The following BACH2 variants were observed in gnomAD, a reference collection of about 807,000 sequenced individuals.
BACH2 encodes the protein BACH transcriptional regulator 2.
In BACH2, 5 loss-of-function variants were observed where a neutral mutation model predicts 61.8. The ratio of observed to expected loss-of-function variants is 0.08; its 90% CI spans 0.04 to 0.17. BACH2 has a LOEUF of 0.17. Among genes scored for constraint, BACH2 ranks in the 10% least tolerant of loss-of-function variants. The probability of loss-of-function intolerance (pLI) is 1.00; values close to 1 mark genes in which losing one functional copy is unlikely to be tolerated. For missense variants in BACH2, 824 were observed against 1,091.1 expected, an observed-to-expected ratio of 0.76 and a Z score of 3.45; for synonymous variants, 446 against 440.1, an observed-to-expected ratio of 1.01 and a Z score of -0.17.
intron 6 of BACH2, among the ~76,000 whole-genome samples, chr6:89,967,901 T>C (rs1179979116): frequency 2.0e-5 from 3 of 152,166 alleles, no homozygotes; most frequent in African/African-American, 7.2e-5. Flanking sequence ...GCTTCTGACA[T>C]GGACTATGTT....
At chr6:90,167,760 A>G (rs1013657093) in intron 4 of BACH2, among the ~76,000 whole-genome samples, 12 of 152,198 alleles carry the variant, frequency 7.9e-5, no homozygotes, top group African/African-American at 2.7e-4. Flanking sequence ...ACTTTATTCA[A>G]TGATTGAGAA....
At position 90,196,881 on chromosome 6, in the gene BACH2, G is replaced by A. The variant is rs1264082477; in HGVS notation, c.-162+9688C>T. 2.6e-5 allele frequency among the ~76,000 whole-genome samples: 4 copies of A among 151,856 alleles called. No individual in the cohort carries two copies. In the East Asian group the frequency reaches 5.8e-4, roughly 22 times the overall value. ...GAAAAGAAAACCAAATAAACCAGAAGAACATATAAACTATGATTAGTCAAA... is the reference window on the plus strand; with the variant it reads ...GAAAAGAAAACCAAATAAACCAGAAAAACATATAAACTATGATTAGTCAAA... On this transcript the variant is annotated intron_variant, in intron 4 of 8. Transcript: ENST00000257749.
At chr6:90,263,890 G>A (rs1771242766) in intron 2 of BACH2, among the ~76,000 whole-genome samples, 1 of 152,162 alleles carries the variant, frequency 6.6e-6, no homozygotes, top group Non-Finnish European at 1.5e-5. Context: ...CTAACCACAA[G>A]TCTAAGTAGG....
chr6:89,982,757 G>A (rs894958489), intron 6 of BACH2, among the ~76,000 whole-genome samples: 1 of 152,046 alleles, frequency 6.6e-6, no homozygotes, highest in African/African-American at 2.4e-5. Context: ...TCTAGGCAAC[G>A]GTGTTTTGGA....
chr6:90,240,732 G>C (rs191195490), intron 3 of BACH2, among the ~76,000 whole-genome samples: 1 of 152,216 alleles, frequency 6.6e-6, no homozygotes, highest in East Asian at 1.9e-4. Flanking sequence ...TTCTTAGAGT[G>C]AACCTTAGCT....
rs1218931524 is a variant in BACH2, at chr6:89,999,779, GC to G, written c.243+8822del. Among the ~76,000 whole-genome samples, 4 of 152,206 alleles carry G rather than the reference GC, an allele frequency of 2.6e-5. No individual in the cohort carries two copies. The East Asian group carries it at 5.8e-4, about 22-fold the overall frequency. On this transcript the variant is annotated intron_variant, in intron 6 of 8. Transcript: ENST00000257749. ...GAGGAGTTTAAAAATGAATAGATAC[GC>G]CGGTAACTATTTTAAAAAAATTGAT... is the stretch of plus-strand genomic sequence containing the variant.
chr6:89,945,666 C>G (rs748844674), intron 7 of BACH2, among the ~76,000 whole-genome samples: 1 of 152,128 alleles, frequency 6.6e-6, no homozygotes, highest in Non-Finnish European at 1.5e-5. Flanking sequence ...TCAACAACCA[C>G]TGAATTGTTC....
chr6:90,231,131 T>C (rs767887981), intron 3 of BACH2, among the ~76,000 whole-genome samples: 4 of 152,194 alleles, frequency 2.6e-5, no homozygotes, highest in Non-Finnish European at 4.4e-5. Flanking sequence ...GGTTTGTTTG[T>C]GGCCAAACTG....
intron 1 of BACH2, among the ~76,000 whole-genome samples, chr6:90,295,726 A>C (rs1772334263): frequency 1.3e-5 from 2 of 151,768 alleles, no homozygotes; most frequent in Non-Finnish European, 2.9e-5. Context: ...GAGGAGGTGC[A>C]AGGTTTCCCT....
At chr6:90,122,309 G>A (rs1783662251) in intron 4 of BACH2, among the ~76,000 whole-genome samples, 2 of 152,174 alleles carry the variant, frequency 1.3e-5, no homozygotes, top group African/African-American at 4.8e-5. Flanking sequence ...AATCTGTAGC[G>A]TGAAGCAAGG....
At chr6:90,247,201 G>A (rs946414648) in intron 3 of BACH2, among the ~76,000 whole-genome samples, 9 of 151,636 alleles carry the variant, frequency 5.9e-5, no homozygotes, top group Non-Finnish European at 1.3e-4. Flanking sequence ...TAGTACATTT[G>A]ACATGTAATA....
intron 5 of BACH2, among the ~76,000 whole-genome samples, chr6:90,070,352 G>C (rs985622174): frequency 6.6e-6 from 1 of 152,172 alleles, no homozygotes; most frequent in East Asian, 1.9e-4. Context: ...CATGGACTGG[G>C]ACTTGATCCA....
chr6:90,239,661 T>C (rs1421551625), intron 3 of BACH2, among the ~76,000 whole-genome samples: 1 of 152,166 alleles, frequency 6.6e-6, no homozygotes, highest in Non-Finnish European at 1.5e-5. Flanking sequence ...CTCGTCTATA[T>C]GACTAAGAGA....
chr6:90,018,592 T>G (rs1387950978), intron 5 of BACH2, among the ~76,000 whole-genome samples: 1 of 152,254 alleles, frequency 6.6e-6, no homozygotes, highest in Non-Finnish European at 1.5e-5. Flanking sequence ...AGCCATAGGT[T>G]TATTTTTTAT....
rs1772369890 is a variant in BACH2 at position 89,926,553 on chromosome 6, T to C, written c.*5855A>G. The stretch of plus-strand genomic sequence containing the variant: ...TCAGTTTACAATGCATAATGATATG[T>C]CTTTATTTCATCAACAGAAATGGTG... On this transcript the variant is annotated 3_prime_UTR_variant, in exon 9 of 9. Transcript: ENST00000257749. 1 of 152,780 alleles carries C rather than the reference T, an allele frequency of 6.5e-6. No homozygotes were observed. Among genetic ancestry groups the C allele is most frequent in the Non-Finnish European group, 1.5e-5 (1 of 68,044 alleles). 9.5% of individuals were successfully genotyped at this position (152,780 alleles called of 1,614,324 possible). A position where few individuals can be genotyped will look rare whatever the true frequency, so the allele number is the denominator to read the frequency against.
At chr6:90,243,488 T>G (rs1770526717) in intron 3 of BACH2, among the ~76,000 whole-genome samples, 1 of 152,172 alleles carries the variant, frequency 6.6e-6, no homozygotes, top group Non-Finnish European at 1.5e-5. Context: ...TTTTTGTTAT[T>G]GTTTTGCCTT....
chr6:90,205,006 C>T (rs945891376), intron 4 of BACH2, among the ~76,000 whole-genome samples: 38 of 152,178 alleles, frequency 2.5e-4, no homozygotes, highest in African/African-American at 8.9e-4. Flanking sequence ...ATAAAGCGGC[C>T]AGAGTCTCCC....
chr6:90,288,101 T>C (rs531810494), intron 1 of BACH2, among the ~76,000 whole-genome samples: 5 of 152,338 alleles, frequency 3.3e-5, no homozygotes, highest in Non-Finnish European at 5.9e-5. Flanking sequence ...TCTGTCTACA[T>C]TTTCCTCTTG....
At chr6:90,216,197 C>A (rs949543859) in intron 3 of BACH2, among the ~76,000 whole-genome samples, 2 of 152,202 alleles carry the variant, frequency 1.3e-5, no homozygotes, top group Non-Finnish European at 2.9e-5. Flanking sequence ...GCAGTTGACA[C>A]TAGTCCTCAC....
Sources: allele counts gnomAD v4.1 joint callset (sites outside exome capture counted in the v4.1 genomes callset), GRCh38; gene constraint gnomAD v4.1.1; transcripts MANE v1.5; gene names NCBI Gene and HGNC (gene_info 2026-07-23, HGNC 2026-07-21).